Variants in ARID2 observed in about 807,000 individuals in gnomAD.
The protein encoded by ARID2 is AT-rich interaction domain 2.
Under a neutral mutation model 184.6 loss-of-function variants are expected in ARID2, and 32 were observed. The observed-to-expected ratio is 0.17, with a 90% confidence interval of 0.13 to 0.23. The LOEUF (loss-of-function observed/expected upper bound fraction) is 0.23, where lower values mean the gene tolerates loss of function less well. Ranked by LOEUF, ARID2 falls within the 10% of genes least tolerant of loss-of-function variation. The pLI is 1.00. For missense variants in ARID2, 1,696 were observed against 2,197.6 expected (o/e 0.77, Z 4.56); for synonymous variants, 836 against 772.6 (o/e 1.08, Z -1.36).
chr12:45,797,137 C>T (rs1459215960), intron 3 of ARID2, among the ~76,000 whole-genome samples: 2 of 152,070 alleles, frequency 1.3e-5, no homozygotes, highest in African/African-American at 4.8e-5. Context: ...ATTTAATATA[C>T]ATACATACAC....
rs372711740 is a variant in ARID2, at chr12:45,893,457, G to T, written c.5185G>T (p.Ala1729Ser). The part of the protein sequence containing the change: ...TVGGTSSTPR[A>S]QKAIVNHPSA... ...AGGGGGCACAAGCTCAACTCCTAGAGCACAAAAGGCCATTGTGAATCATCC... is the reference window on the plus strand; with the variant it reads ...AGGGGGCACAAGCTCAACTCCTAGATCACAAAAGGCCATTGTGAATCATCC... Residue 1729 changes from alanine (A) to serine (S), a missense_variant, in exon 19 of 21, where the codon GCA (alanine) becomes TCA (serine). By Grantham distance (99) the Ala-to-Ser change is moderately conservative (BLOSUM62 1). Transcript: ENST00000334344. 11 of 1,613,846 alleles carry T rather than the reference G, an allele frequency of 6.8e-6. No individual in the cohort carries two copies. The highest frequency in any genetic ancestry group is 3.3e-5 in the Admixed American group (2 of 59,996).
chr12:45,816,592 A>G, intron 4 of ARID2, among the ~76,000 whole-genome samples: 1 of 152,220 alleles, frequency 6.6e-6, no homozygotes, highest in East Asian at 1.9e-4. Context: ...CAGAGAAATG[A>G]AAAAAATATG....
intron 16 of ARID2, among the ~76,000 whole-genome samples, chr12:45,862,640 T>C (rs1368587353): frequency 6.6e-6 from 1 of 152,110 alleles, no homozygotes; most frequent in Non-Finnish European, 1.5e-5. Flanking sequence ...ACCTAGGAAT[T>C]CGAGTCTAGC....
chr12:45,780,047 G>A (rs374720952), intron 3 of ARID2, among the ~76,000 whole-genome samples: 14 of 152,166 alleles, frequency 9.2e-5, no homozygotes, highest in African/African-American at 3.4e-4. Context: ...GTTAATACAT[G>A]TAAAGTACTT....
chr12:45,817,254 T>G (rs1423514238), intron 4 of ARID2, among the ~76,000 whole-genome samples: 1 of 152,008 alleles, frequency 6.6e-6, no homozygotes, highest in Non-Finnish European at 1.5e-5. Context: ...CTCAGGAGGC[T>G]GAGGTGGGAG....
At chr12:45,865,669 T>C (rs1254786290) in intron 16 of ARID2, among the ~76,000 whole-genome samples, 1 of 152,168 alleles carries the variant, frequency 6.6e-6, no homozygotes. Flanking sequence ...TTAAATCTTA[T>C]ATTTTGGTAT....
At chr12:45,899,574 C>A (rs1944420100) in intron 20 of ARID2, among the ~76,000 whole-genome samples, 1 of 149,308 alleles carries the variant, frequency 6.7e-6, no homozygotes, top group African/African-American at 2.4e-5. Context: ...CCACTGCACT[C>A]CAGCCTGGGC....
intron 17 of ARID2, 42 bp downstream of exon 17, chr12:45,891,960 T>C: frequency 1.9e-6 from 3 of 1,614,080 alleles, no homozygotes; most frequent in Non-Finnish European, 2.5e-6. Context: ...CTCATTTGAC[T>C]GCATTAAAGA....
At position 45,852,029 on chromosome 12, in the gene ARID2, A is replaced by G; in HGVS notation, c.3906A>G (p.Ser1302=). The G allele has an allele frequency of 3.1e-6, 5 of 1,614,128 alleles. No individual in the cohort carries two copies. Among genetic ancestry groups the G allele is most frequent in the Non-Finnish European group, 4.2e-6 (5 of 1,180,008 alleles). ...SLLNGRKYSD[S]SLPPSNSGKI... ...TAAATGGGAGAAAGTACAGTGACTC[A>G]AGTCTACCTCCTTCAAACTCAGGGA... Residue 1302 remains serine, a synonymous_variant, in exon 15 of 21, where the codon TCA becomes TCG. Coordinates refer to ENST00000334344, the MANE Select transcript of ARID2 (RefSeq NM_152641.4).
intron 6 of ARID2, among the ~76,000 whole-genome samples, chr12:45,823,508 G>A (rs1942937129): frequency 6.6e-6 from 1 of 151,938 alleles, no homozygotes; most frequent in Non-Finnish European, 1.5e-5. Flanking sequence ...AAAACAAAAA[G>A]TTGTTTTTTG....
intron 15 of ARID2, among the ~76,000 whole-genome samples, chr12:45,855,476 T>C (rs377649149): frequency 2.0e-5 from 3 of 152,214 alleles, no homozygotes; most frequent in East Asian, 1.9e-4. Context: ...AGCATTCTTA[T>C]ATATAGCACT....
chr12:45,762,412 T>C (rs1941700200), intron 3 of ARID2, among the ~76,000 whole-genome samples: 1 of 152,226 alleles, frequency 6.6e-6, no homozygotes, highest in South Asian at 2.1e-4. Flanking sequence ...TTTAGTCTGG[T>C]ATCTCACTGT....
chr12:45,870,351 C>T (rs895549473), intron 16 of ARID2, among the ~76,000 whole-genome samples: 1 of 152,158 alleles, frequency 6.6e-6, no homozygotes, highest in Non-Finnish European at 1.5e-5. Flanking sequence ...GAATAGAGTT[C>T]CCATATCTCC....
chr12:45,731,478 G>A (rs1334042445), intron 3 of ARID2, among the ~76,000 whole-genome samples, 164 bp downstream of exon 3: 2 of 152,276 alleles, frequency 1.3e-5, no homozygotes, highest in African/African-American at 4.8e-5. Flanking sequence ...ATTGTAGGAA[G>A]GTGAAAGTCT....
In ARID2 at chr12:45,848,909, A is replaced by C. The variant is rs2138154418; in HGVS notation, c.1654A>C (p.Thr552Pro). Residue 552 changes from threonine (T) to proline (P), a missense_variant, in exon 13 of 21, where the codon ACT (threonine) becomes CCT (proline). Physicochemically the swap from Thr to Pro is conservative, Grantham distance 38 (BLOSUM62 -1). Transcript: ENST00000334344. ...AGAAATGTATTCTGAATACCTCTCG[A>C]CTTGCAGTAAATTAGCTCGTGGTGG... Reference protein sequence around the residue: ...RAEMYSEYLSTCSKLARGGIL... With the variant: ...RAEMYSEYLSPCSKLARGGIL... The C allele has an allele frequency of 6.2e-7, 1 of 1,612,664 alleles. No homozygotes were observed. The highest frequency in any genetic ancestry group is 1.7e-5 in the Admixed American group (1 of 59,964).
At chr12:45,853,824 C>G in intron 15 of ARID2, among the ~76,000 whole-genome samples, 1 of 152,126 alleles carries the variant, frequency 6.6e-6, no homozygotes, top group East Asian at 1.9e-4. Context: ...GCATTAGTGC[C>G]AAATCTAGGT....
In ARID2 at chr12:45,860,982, AT is replaced by A. The variant is rs746516831; in HGVS notation, c.4922+35del. On this transcript the variant is annotated intron_variant, in intron 16 of 20. Coordinates refer to ENST00000334344, the MANE Select transcript of ARID2 (RefSeq NM_152641.4). The stretch of plus-strand genomic sequence containing the variant: ...GCAATTTTATTTGATATATAAAAGT[AT>A]TCTTTGTTTTGGAATGCTTTTATAT... 9.6e-6 allele frequency: 14 copies of A among 1,462,992 alleles called. No individual in the cohort carries two copies. The African/African-American group carries it at 1.4e-4, about 15-fold the overall frequency. 90.6% of individuals were successfully genotyped at this position (1,462,992 alleles called of 1,614,324 possible). A position where few individuals can be genotyped will look rare whatever the true frequency, so the allele number is the denominator to read the frequency against.
At chr12:45,856,321 C>G (rs974835782) in intron 15 of ARID2, among the ~76,000 whole-genome samples, 11 of 152,126 alleles carry the variant, frequency 7.2e-5, no homozygotes, top group African/African-American at 2.7e-4. Context: ...CCCACCTCGG[C>G]CTCCCAAAGT....
At chr12:45,763,341 G>A (rs1013771150) in intron 3 of ARID2, among the ~76,000 whole-genome samples, 2 of 151,960 alleles carry the variant, frequency 1.3e-5, no homozygotes, top group African/African-American at 2.4e-5. Flanking sequence ...GTGGAGGCAG[G>A]CACCTGTAAT....
Sources: gnomAD v4.1 joint callset for allele counts (sites outside exome capture counted in the v4.1 genomes callset) on GRCh38, gnomAD v4.1.1 for gene constraint, MANE v1.5 for transcripts, NCBI Gene and HGNC (gene_info 2026-07-23, HGNC 2026-07-21) for gene names.